The following IQSEC1 variants were observed in gnomAD, a reference collection of about 807,000 sequenced individuals.
IQSEC1 encodes IQ motif and SEC7 domain-containing protein 1.
In IQSEC1, 31 loss-of-function variants were observed where a neutral mutation model predicts 91.0. The observed-to-expected ratio is 0.34, with a 90% CI of 0.26 to 0.46. IQSEC1 has a LOEUF of 0.46. IQSEC1 is among the 20% of genes least tolerant of loss of function. IQSEC1 has a pLI of 1.00. For synonymous variants in IQSEC1, 699 were observed against 662.6 expected (o/e 1.05, Z -0.84); for missense variants, 1,388 against 1,575.6 (o/e 0.88, Z 2.02).
At chr3:13,134,773 A>G (rs1336651904) in intron 2 of IQSEC1, among the ~76,000 whole-genome samples, 1 of 152,058 alleles carries the variant, frequency 6.6e-6, no homozygotes, top group East Asian at 1.9e-4. Context: ...TACAGCTTGC[A>G]AGAGAGAAAA....
intron 4 of IQSEC1, among the ~76,000 whole-genome samples, chr3:12,923,888 A>G (rs1461555504): frequency 6.6e-6 from 1 of 152,084 alleles, no homozygotes; most frequent in Admixed American, 6.5e-5. Flanking sequence ...TTCCTGGCCC[A>G]CCCTTCTGGC....
intron 1 of IQSEC1, among the ~76,000 whole-genome samples, chr3:13,209,949 T>C (rs1481624192): frequency 1.3e-5 from 2 of 151,960 alleles, no homozygotes; most frequent in African/African-American, 4.8e-5. Context: ...GTGGGGGCAT[T>C]ACCCACACAT....
intron 1 of IQSEC1, among the ~76,000 whole-genome samples, chr3:12,957,130 G>C (rs969495996): frequency 1.3e-5 from 2 of 152,158 alleles, no homozygotes; most frequent in Non-Finnish European, 2.9e-5. Context: ...GTCCATCTCT[G>C]TGCCTGCATA....
chr3:13,040,233 C>T (rs1417585137), intron 1 of IQSEC1, among the ~76,000 whole-genome samples: 5 of 152,222 alleles, frequency 3.3e-5, no homozygotes, highest in African/African-American at 1.2e-4. Flanking sequence ...TTCCAACTCC[C>T]ATGTCTAGGC....
intron 1 of IQSEC1, among the ~76,000 whole-genome samples, chr3:13,022,892 G>C (rs543419340): frequency 1.3e-5 from 2 of 152,356 alleles, no homozygotes; most frequent in South Asian, 4.1e-4. Context: ...TTTGCTGTTT[G>C]ATGCTGGGCG....
chr3:13,090,992 G>C (rs937922000), intron 2 of IQSEC1, among the ~76,000 whole-genome samples: 1 of 152,186 alleles, frequency 6.6e-6, no homozygotes, highest in Non-Finnish European at 1.5e-5. Context: ...CCAGGAGGAA[G>C]ATTAATTTGG....
intron 1 of IQSEC1, among the ~76,000 whole-genome samples, chr3:13,025,936 C>A: frequency 6.6e-6 from 1 of 152,208 alleles, no homozygotes; most frequent in African/African-American, 2.4e-5. Context: ...CCTGAGCCCT[C>A]CCAGATCTCC....
intron 1 of IQSEC1, among the ~76,000 whole-genome samples, chr3:13,027,681 T>C (rs1703674330): frequency 6.6e-6 from 1 of 151,982 alleles, no homozygotes; most frequent in African/African-American, 2.4e-5. Flanking sequence ...AAATGGAGGT[T>C]CCATCCACGG....
chr3:13,053,644 G>A (rs1158664312), intron 1 of IQSEC1, among the ~76,000 whole-genome samples: 3 of 152,084 alleles, frequency 2.0e-5, no homozygotes, highest in East Asian at 1.9e-4. Context: ...TCCTACCAGC[G>A]AGTGGGCTGG....
At chr3:12,938,841 G>A (rs761889230) in intron 2 of IQSEC1, among the ~76,000 whole-genome samples, 7 of 152,164 alleles carry the variant, frequency 4.6e-5, no homozygotes, top group East Asian at 1.9e-4. Context: ...TGTTGGGGGC[G>A]AAGGGACTTC....
At chr3:13,066,909 G>A (rs1399398968) in intron 1 of IQSEC1, among the ~76,000 whole-genome samples, 1 of 152,254 alleles carries the variant, frequency 6.6e-6, no homozygotes, top group Non-Finnish European at 1.5e-5. Flanking sequence ...GAATGGGTGA[G>A]TGATCGGCAG....
At chr3:13,122,654 C>T (rs1325876376) in intron 2 of IQSEC1, among the ~76,000 whole-genome samples, 2 of 152,190 alleles carry the variant, frequency 1.3e-5, no homozygotes, top group Non-Finnish European at 2.9e-5. Context: ...TCAAAACGAG[C>T]TGGGCACAGG....
At chr3:13,236,765 G>T (rs544944390) in intron 1 of IQSEC1, among the ~76,000 whole-genome samples, 1 of 152,326 alleles carries the variant, frequency 6.6e-6, no homozygotes, top group South Asian at 2.1e-4. Flanking sequence ...ATCAGTCTAC[G>T]CATCATCTAC....
intron 1 of IQSEC1, among the ~76,000 whole-genome samples, chr3:12,984,259 A>G (rs1701613526): frequency 6.6e-6 from 1 of 152,140 alleles, no homozygotes; most frequent in African/African-American, 2.4e-5. Context: ...GCACAGGAGG[A>G]CCACGGGGAG....
At chr3:12,921,473 C>T (rs1393817237) in intron 5 of IQSEC1, among the ~76,000 whole-genome samples, 5 of 152,236 alleles carry the variant, frequency 3.3e-5, no homozygotes, top group African/African-American at 4.8e-5. Flanking sequence ...CACGTGATCC[C>T]AGAATGGATG....
rs1208696256 is a variant in IQSEC1, at chr3:13,030,911, G to A, written c.23+42081C>T. Among the ~76,000 whole-genome samples, 3 of 152,216 alleles carry A rather than the reference G, an allele frequency of 2.0e-5. No individual in the cohort carries two copies. In the East Asian group the frequency reaches 5.8e-4, roughly 29 times the overall value. On this transcript the variant is annotated intron_variant, in intron 1 of 13. Transcript: ENST00000613206. Reference sequence around the variant, plus strand: ...ACCAAGCAGCTATCTCCACTTCCACGCATGTTTCACACTTTCAACAATAAG... The same window carrying A: ...ACCAAGCAGCTATCTCCACTTCCACACATGTTTCACACTTTCAACAATAAG...
intron 2 of IQSEC1, among the ~76,000 whole-genome samples, chr3:13,091,419 G>A (rs1207291802): frequency 1.3e-5 from 2 of 152,248 alleles, no homozygotes; most frequent in African/African-American, 4.8e-5. Flanking sequence ...TTTGTTTACA[G>A]GACAGATGCT....
chr3:12,976,804 G>A (rs983082233), intron 1 of IQSEC1, among the ~76,000 whole-genome samples: 1 of 152,148 alleles, frequency 6.6e-6, no homozygotes, highest in African/African-American at 2.4e-5. Flanking sequence ...GAATCATGTT[G>A]ATCCAGATTC....
intron 1 of IQSEC1, among the ~76,000 whole-genome samples, chr3:13,275,720 C>T (rs1214649180): frequency 3.9e-5 from 6 of 152,240 alleles, no homozygotes; most frequent in African/African-American, 1.2e-4. Context: ...TGTAATCTTC[C>T]AGGTACAGGT....
Sources: allele counts gnomAD v4.1 joint callset (sites outside exome capture counted in the v4.1 genomes callset), GRCh38; gene constraint gnomAD v4.1.1; transcripts MANE v1.5; gene names NCBI Gene and HGNC (gene_info 2026-07-23, HGNC 2026-07-21).